Variants in IQUB observed in about 807,000 individuals in gnomAD.
IQUB encodes IQ motif and ubiquitin-like domain-containing protein.
A neutral mutation model predicts 86.4 loss-of-function variants in IQUB; 86 were observed. The observed-to-expected ratio is 1.00, with a 90% confidence interval of 0.84 to 1.19. IQUB has a LOEUF of 1.19. Among genes scored for constraint, IQUB ranks in the 50% most tolerant of loss-of-function variants. The probability of loss-of-function intolerance (pLI) is 0.00; values close to 1 mark genes in which losing one functional copy is unlikely to be tolerated. For synonymous variants in IQUB, 289 were observed against 304.5 expected, an observed-to-expected ratio of 0.95 and a Z score of 0.53; for missense variants, 946 against 916.9, an observed-to-expected ratio of 1.03 and a Z score of -0.41.
chr7:123,479,968 A>G lies in IQUB; in HGVS notation c.1237T>C (p.Trp413Arg). The change falls in exon 8 of 13, where the codon TGG becomes CGG. Residue 413 changes from tryptophan (W) to arginine (R), a missense_variant and splice_region_variant. Coordinates refer to ENST00000324698, the MANE Select transcript of IQUB (RefSeq NM_178827.5). ...ATACGTGTAAGTTCTTCTTGCCGCC[A>G]GACTAGAGGAATAACACAATAGACT... ...FEFLYNALEF[W>R]RQEELTRINQ... The G allele has an allele frequency of 6.2e-7, 1 of 1,605,698 alleles. No individual in the cohort carries two copies. Among genetic ancestry groups the G allele is most frequent in the African/African-American group, 1.3e-5 (1 of 74,504 alleles).
intron 1 of IQUB, among the ~76,000 whole-genome samples, chr7:123,522,370 T>G (rs558610240): frequency 6.6e-6 from 1 of 152,334 alleles, no homozygotes; most frequent in South Asian, 2.1e-4. Flanking sequence ...TATTAGTTTG[T>G]ACATAGGGTA....
chr7:123,477,618 GC>G (rs1563440608), intron 8 of IQUB, among the ~76,000 whole-genome samples: 1 of 152,156 alleles, frequency 6.6e-6, no homozygotes, highest in East Asian at 1.9e-4. Flanking sequence ...AAGAGCTTCT[GC>G]ACAGCAAAAG....
chr7:123,472,626 T>G (rs1339540373), intron 8 of IQUB, among the ~76,000 whole-genome samples: 1 of 152,192 alleles, frequency 6.6e-6, no homozygotes, highest in Non-Finnish European at 1.5e-5. Flanking sequence ...AGTGATACAA[T>G]CAAAGAATCC....
chr7:123,488,575 G>A (rs765215081), intron 7 of IQUB, among the ~76,000 whole-genome samples: 1 of 152,108 alleles, frequency 6.6e-6, no homozygotes, highest in Non-Finnish European at 1.5e-5. Flanking sequence ...GTAAGAAAAC[G>A]TGACTGAGTC....
At chr7:123,528,276 C>T (rs1021835389) in intron 1 of IQUB, among the ~76,000 whole-genome samples, 10 of 152,204 alleles carry the variant, frequency 6.6e-5, no homozygotes, top group African/African-American at 2.4e-4. Flanking sequence ...CACCCGTCTT[C>T]TGCGTCGCTC....
chr7:123,507,820 C>A (rs184030669), intron 3 of IQUB, among the ~76,000 whole-genome samples: 1 of 149,742 alleles, frequency 6.7e-6, no homozygotes, highest in Non-Finnish European at 1.5e-5. Context: ...TTGCAGTGAG[C>A]GAGATCGTGA....
chr7:123,501,716 C>A (rs1236654371), intron 6 of IQUB: 2 of 152,182 alleles, frequency 1.3e-5, no homozygotes, highest in Admixed American at 6.5e-5. Flanking sequence ...AGGAACGTGA[C>A]CTTGGTCTAC....
intron 11 of IQUB, 34 bp downstream of exon 11, chr7:123,461,323 T>G (rs772216110): frequency 6.4e-7 from 1 of 1,568,528 alleles, no homozygotes; most frequent in Admixed American, 1.8e-5. Context: ...CTTGACAAGC[T>G]TCAGCTATAA....
intron 1 of IQUB, among the ~76,000 whole-genome samples, chr7:123,525,653 C>T (rs1326555574): frequency 6.6e-6 from 1 of 152,160 alleles, no homozygotes; most frequent in Non-Finnish European, 1.5e-5. Context: ...AAAAAACCAG[C>T]TCCTGGATTC....
At position 123,496,788 on chromosome 7, in the gene IQUB, C is replaced by A. The variant is rs1219213406; in HGVS notation, c.1142G>T (p.Arg381Ile). Residue 381 changes from arginine (R) to isoleucine (I), a missense_variant, in exon 7 of 13, where the codon AGA (arginine) becomes ATA (isoleucine). Transcript: ENST00000324698. ...WETQQELRKI[R>I]EKEEWIKLDY... ...CAATTTTATCCATTCTTCTTTTTCT[C>A]TTATCTTCCTTAGTTCTTGCTGTGT... 1.2e-6 allele frequency: 2 copies of A among 1,611,604 alleles called. No individual in the cohort carries two copies. The highest frequency in any genetic ancestry group is 3.3e-5 in the Admixed American group (2 of 59,846).
chr7:123,525,913 G>A (rs376355952), intron 1 of IQUB, among the ~76,000 whole-genome samples: 92 of 144,654 alleles, frequency 6.4e-4, no homozygotes, highest in Middle Eastern at 6.8e-3. Flanking sequence ...CTTTGTTCTC[G>A]TTGGTTTCAA....
chr7:123,485,812 C>A (rs1795194526), intron 7 of IQUB, among the ~76,000 whole-genome samples: 1 of 152,152 alleles, frequency 6.6e-6, no homozygotes, highest in Non-Finnish European at 1.5e-5. Flanking sequence ...AAGATTCCAA[C>A]TAAAAGCCTC....
At chr7:123,510,537 G>A (rs943229575) in intron 2 of IQUB, among the ~76,000 whole-genome samples, 2 of 152,046 alleles carry the variant, frequency 1.3e-5, no homozygotes, top group Non-Finnish European at 1.5e-5. Context: ...CATGAATATA[G>A]GAGGGAAATA....
chr7:123,456,688 T>C (rs1280648477), intron 12 of IQUB: 1 of 152,044 alleles, frequency 6.6e-6, no homozygotes, highest in African/African-American at 2.4e-5. Flanking sequence ...ATCCTGGACC[T>C]AGTGTAAATG....
chr7:123,484,195 G>T (rs1164418453), intron 7 of IQUB, among the ~76,000 whole-genome samples: 1 of 151,890 alleles, frequency 6.6e-6, no homozygotes, highest in African/African-American at 2.4e-5. Context: ...CCAGCAAGAA[G>T]ATTTATAAAT....
At position 123,502,951 on chromosome 7, in the gene IQUB, T is replaced by G; in HGVS notation, c.860A>C (p.Asp287Ala). 6.2e-7 allele frequency: 1 copy of G among 1,609,546 alleles called. No individual in the cohort carries two copies. The highest frequency in any genetic ancestry group is 8.5e-7 in the Non-Finnish European group (1 of 1,178,200). ...IPERLSIFCR[D>A]TQTVFQKKNL... is the part of the protein sequence containing the mutation. ...GACAAATAAAAACATTACCTGCGTA[T>G]CCCTACAAAATATACTGAGTCTTTC... The change falls in exon 5 of 13, where the codon GAT becomes GCT. Residue 287 changes from aspartate to alanine, a missense_variant. Asp to Ala is a moderately radical substitution (Grantham distance 126). Coordinates refer to ENST00000324698, the MANE Select transcript of IQUB (RefSeq NM_178827.5).
chr7:123,466,383 T>C (rs1026109865), intron 9 of IQUB, among the ~76,000 whole-genome samples: 1 of 152,156 alleles, frequency 6.6e-6, no homozygotes, highest in Non-Finnish European at 1.5e-5. Context: ...GTATTCCCTA[T>C]GCACTCTCTT....
chr7:123,476,513 T>C lies in IQUB; in HGVS notation c.1410+3282A>G, dbSNP rs186580338. On this transcript the variant is annotated intron_variant, in intron 8 of 12. Coordinates refer to ENST00000324698, the MANE Select transcript of IQUB (RefSeq NM_178827.5). Reference sequence around the variant, plus strand: ...GTGAGGTTTGCAAACATGAAAATCCTTGTTCCCTAAGGGCAGTGAGGAAGG... The same window carrying C: ...GTGAGGTTTGCAAACATGAAAATCCCTGTTCCCTAAGGGCAGTGAGGAAGG... Among the ~76,000 whole-genome samples the C allele has an allele frequency of 1.6e-3, 251 of 152,132 alleles. 4 individuals are homozygous for C. The highest frequency in any genetic ancestry group is 2.6e-4 in the Non-Finnish European group (18 of 68,000).
At chr7:123,473,799 C>A (rs1179236926) in intron 8 of IQUB, among the ~76,000 whole-genome samples, 1 of 150,194 alleles carries the variant, frequency 6.7e-6, no homozygotes, top group African/African-American at 2.5e-5. Flanking sequence ...GTTGGTCAGG[C>A]TGGTCTCAAA....
Sources: gnomAD v4.1 joint callset for allele counts (sites outside exome capture counted in the v4.1 genomes callset) on GRCh38, gnomAD v4.1.1 for gene constraint, MANE v1.5 for transcripts, NCBI Gene and HGNC (gene_info 2026-07-23, HGNC 2026-07-21) for gene names.